CLCN5: variants seen among roughly 807,000 people sequenced by gnomAD.
CLCN5 encodes H(+)/Cl(-) exchange transporter 5.
In CLCN5, 17 loss-of-function variants were observed where a neutral mutation model predicts 54.0. The observed-to-expected ratio is 0.31, with a 90% CI of 0.22 to 0.47. CLCN5 has a LOEUF of 0.47. Ranked by LOEUF, CLCN5 falls within the 20% of genes least tolerant of loss-of-function variation. The pLI is 1.00. For synonymous variants in CLCN5, 222 were observed against 233.0 expected (o/e 0.95, Z 0.43); for missense variants, 448 against 646.7 (o/e 0.69, Z 3.33).
Position 50,097,798 on chromosome X carries a change from A to G in CLCN5, c.*5579A>G, listed in dbSNP as rs1474480225. The stretch of plus-strand genomic sequence containing the variant: ...TTGCTCCTCTGTGAGGGCCAAAGCC[A>G]TTGATACTTGTCGGGGGTGATGAGG... On this transcript the variant is annotated 3_prime_UTR_variant, in exon 15 of 15. Coordinates refer to ENST00000376091, the MANE Select transcript of CLCN5 (RefSeq NM_001127898.4). 1 of 112,199 alleles carries G rather than the reference A, an allele frequency of 8.9e-6. No individual in the cohort carries two copies. Among genetic ancestry groups the G allele is most frequent in the Non-Finnish European group, 1.9e-5 (1 of 53,267 alleles). The allele number at this position is 112,199 out of a possible 1,213,427, so 9.2% of individuals were successfully genotyped here.
intron 3 of CLCN5, among the ~76,000 whole-genome samples, chrX:49,948,160 CT>C (rs78984984): frequency 1.9e-3 from 189 of 97,963 alleles, no homozygotes; most frequent in Non-Finnish European, 2.2e-3. Flanking sequence ...CTGGCTTCAC[CT>C]TTTTTTTTTT....
Position 50,086,780 on chromosome X carries a change from G to A in CLCN5, c.1467G>A (p.Pro489=), listed in dbSNP as rs782232880. 19 of 1,208,852 alleles carry A rather than the reference G, an allele frequency of 1.6e-5. No homozygotes were observed. The East Asian group carries it at 2.1e-4, about 13-fold the overall frequency. Residue 489 remains proline (P), a synonymous_variant, in exon 11 of 15, where the codon CCG becomes CCA. Transcript: ENST00000376091. ...TSKGGELPDR[P]AGVGVYSAMW... Reference sequence around the variant, plus strand: ...AAGGGGGTGAACTGCCTGACAGACCGGCTGGCGTGGGAGTCTACAGTGCAA... The same window carrying A: ...AAGGGGGTGAACTGCCTGACAGACCAGCTGGCGTGGGAGTCTACAGTGCAA...
At chrX:50,027,184 T>G (rs1931450858) in intron 3 of CLCN5, among the ~76,000 whole-genome samples, 1 of 109,582 alleles carries the variant, frequency 9.1e-6, no homozygotes, top group South Asian at 4.0e-4. Flanking sequence ...CTGGCTAATT[T>G]TTTGTATCTT....
chrX:50,050,151 G>A (rs376009612), intron 4 of CLCN5: 27 of 112,143 alleles, frequency 2.4e-4, no homozygotes, highest in African/African-American at 8.1e-4. Flanking sequence ...GAATGAAGTT[G>A]CTACAAACAC....
At chrX:50,034,473 A>G (rs1248353742) in intron 3 of CLCN5, among the ~76,000 whole-genome samples, 1 of 111,760 alleles carries the variant, frequency 8.9e-6, no homozygotes, top group Non-Finnish European at 1.9e-5. Context: ...ACTTACCCAG[A>G]ATGCCATGTA....
chrX:50,087,024 G>A (rs1249081397), intron 11 of CLCN5, among the ~76,000 whole-genome samples, 154 bp downstream of exon 11: 3 of 106,965 alleles, frequency 2.8e-5, no homozygotes, highest in South Asian at 4.2e-4. Context: ...TACCCCACAC[G>A]TTCTCATAAT....
intron 7 of CLCN5, among the ~76,000 whole-genome samples, chrX:50,076,934 A>G (rs1327259107): frequency 3.6e-5 from 4 of 111,967 alleles, no homozygotes; most frequent in African/African-American, 9.8e-5. Context: ...CACTGAAAAC[A>G]AAAGCACACA....
chrX:50,002,639 CTCTCTG>C (rs1245500987), intron 3 of CLCN5, among the ~76,000 whole-genome samples: 161 of 108,403 alleles, frequency 1.5e-3, no homozygotes, highest in East Asian at 4.3e-3. Flanking sequence ...GTCTGTCTGT[CTCTCTG>C]TCTCTGTCTC....
chrX:49,961,274 T>A (rs1234794561), intron 3 of CLCN5, among the ~76,000 whole-genome samples: 1 of 112,483 alleles, frequency 8.9e-6, no homozygotes, highest in African/African-American at 3.2e-5. Flanking sequence ...GTGCTACCTT[T>A]TTATTACAGA....
chrX:49,924,614 T>C (rs1430142009), intron 2 of CLCN5, among the ~76,000 whole-genome samples: 1 of 112,187 alleles, frequency 8.9e-6, no homozygotes, highest in Non-Finnish European at 1.9e-5. Context: ...ATAAAAGCAA[T>C]ATACGCTCAC....
At chrX:50,063,398 A>G (rs1932896526) in intron 4 of CLCN5, among the ~76,000 whole-genome samples, 2 of 107,827 alleles carry the variant, frequency 1.9e-5, no homozygotes, top group Admixed American at 1.9e-4. Context: ...CAAATAAACT[A>G]GAAAATCTAG....
intron 4 of CLCN5, among the ~76,000 whole-genome samples, chrX:50,056,159 T>C (rs1932741111): frequency 9.1e-6 from 1 of 110,444 alleles, no homozygotes; most frequent in Non-Finnish European, 1.9e-5. Flanking sequence ...GTCTTGAAAT[T>C]TTCCCCCCAC....
chrX:50,032,838 G>A (rs1931783093), intron 3 of CLCN5, among the ~76,000 whole-genome samples: 1 of 109,761 alleles, frequency 9.1e-6, no homozygotes, highest in Admixed American at 9.6e-5. Context: ...TTCTTCTAGG[G>A]TTTTTATGGT....
At chrX:49,971,456 G>A (rs1469154197) in intron 3 of CLCN5, among the ~76,000 whole-genome samples, 3 of 109,914 alleles carry the variant, frequency 2.7e-5, no homozygotes, top group African/African-American at 6.6e-5. Context: ...TAGGTGGAAA[G>A]CATTCAATTT....
At chrX:49,966,460 G>A (rs1376546637) in intron 3 of CLCN5, among the ~76,000 whole-genome samples, 1 of 108,800 alleles carries the variant, frequency 9.2e-6, no homozygotes, top group Non-Finnish European at 1.9e-5. Flanking sequence ...AGTCTGTTCT[G>A]TCTGGTTAGG....
chrX:50,057,983 G>A (rs781987984), intron 4 of CLCN5, among the ~76,000 whole-genome samples: 1 of 111,103 alleles, frequency 9.0e-6, no homozygotes, highest in Non-Finnish European at 1.9e-5. Flanking sequence ...GCATATAATA[G>A]GCTCTTAGTA....
intron 3 of CLCN5, among the ~76,000 whole-genome samples, chrX:49,958,261 A>G (rs924931575): frequency 1.8e-5 from 2 of 110,743 alleles, no homozygotes; most frequent in Non-Finnish European, 3.8e-5. Flanking sequence ...CACTCAGCAT[A>G]ATTTATTTGA....
In CLCN5 at chrX:50,092,619, TCTAA is replaced by T. The variant is rs782795406; in HGVS notation, c.*403_*406del. On this transcript the variant is annotated 3_prime_UTR_variant, in exon 15 of 15. Coordinates refer to ENST00000376091, the MANE Select transcript of CLCN5 (RefSeq NM_001127898.4). ...CGACGAAAAAGTCACTCTTTTGGGA[TCTAA>T]CTGTTGTTACTGGAAGACGAAGTGT... The T allele has an allele frequency of 2.8e-4, 41 of 144,024 alleles. 1 individual carries two copies. The South Asian group carries it at 8.0e-3, about 28-fold the overall frequency. The allele number at this position is 144,024 out of a possible 1,213,427, so 11.9% of individuals were successfully genotyped here. A position where few individuals can be genotyped will look rare whatever the true frequency, so the allele number is the denominator to read the frequency against.
chrX:50,025,697 T>TTCTCTC (rs782228320), intron 3 of CLCN5, among the ~76,000 whole-genome samples: 1 of 109,836 alleles, frequency 9.1e-6, no homozygotes, highest in Non-Finnish European at 1.9e-5. Context: ...TGCACTCTGT[T>TTCTCTC]TCTCTCTCTC....
Sources: allele counts gnomAD v4.1 joint callset (sites outside exome capture counted in the v4.1 genomes callset), GRCh38; gene constraint gnomAD v4.1.1; transcripts MANE v1.5; gene names NCBI Gene and HGNC (gene_info 2026-07-23, HGNC 2026-07-21).